The following PRDM16 variants were observed in gnomAD, a reference collection of about 807,000 sequenced individuals.
PRDM16 encodes the protein PR/SET domain 16.
Under a neutral mutation model 110.6 loss-of-function variants are expected in PRDM16, and 23 were observed. The ratio of observed to expected loss-of-function variants is 0.21; its 90% CI spans 0.15 to 0.29. The LOEUF is 0.29. Ranked by LOEUF, PRDM16 falls within the 10% of genes least tolerant of loss-of-function variation. The probability of loss-of-function intolerance (pLI) is 1.00; values close to 1 mark genes in which losing one functional copy is unlikely to be tolerated. For synonymous variants in PRDM16, 799 were observed against 781.8 expected, an observed-to-expected ratio of 1.02 and a Z score of -0.37; for missense variants, 1,615 against 1,794.3, an observed-to-expected ratio of 0.90 and a Z score of 1.81.
rs776055411 is a variant in PRDM16 at position 3,412,625 on chromosome 1, C to T, written c.2428C>T (p.Arg810Trp). 6.3e-6 allele frequency: 10 copies of T among 1,582,558 alleles called. No individual in the cohort carries two copies. The highest frequency in any genetic ancestry group is 2.2e-5 in the South Asian group (2 of 89,194). The change falls in exon 9 of 17, where the codon CGG becomes TGG. Residue 810 changes from arginine to tryptophan, a missense_variant. Transcript: ENST00000270722. ...GCCGCTGGACCTGAGCATCGGCAGC[C>T]GGGCCCGTGCCAGCCAAAACGGCGG... ...EQPLDLSIGS[R>W]ARASQNGGGR...
rs554750568 is a variant in PRDM16 at position 3,213,517 on chromosome 1, C to T, written c.387+27043C>T. 3.3e-5 allele frequency among the ~76,000 whole-genome samples: 5 copies of T among 152,286 alleles called. No homozygotes were observed. The East Asian group carries it at 9.7e-4, about 29-fold the overall frequency. ...GTGCCCCCCTGGGTTTGGTTGTGCC[C>T]GTGGGGGGTTGCTAGAGAGTCCTTT... is the stretch of plus-strand genomic sequence containing the variant. On this transcript the variant is annotated intron_variant, in intron 2 of 16. Coordinates refer to ENST00000270722, the MANE Select transcript of PRDM16 (RefSeq NM_022114.4). The surrounding 1 kb of genome is among the most constrained non-coding windows in gnomAD (Gnocchi z 5.3).
At chr1:3,319,356 C>T (rs1641687088) in intron 3 of PRDM16, among the ~76,000 whole-genome samples, 1 of 152,242 alleles carries the variant, frequency 6.6e-6, no homozygotes, top group Admixed American at 6.5e-5. Context: ...CTGTTTTATT[C>T]TGACGTCCTT....
At chr1:3,328,195 C>T (rs1163136363) in intron 3 of PRDM16, among the ~76,000 whole-genome samples, 1 of 152,254 alleles carries the variant, frequency 6.6e-6, no homozygotes, top group Non-Finnish European at 1.5e-5. Context: ...CACCACAGCC[C>T]TGTCCACACC....
intron 1 of PRDM16, among the ~76,000 whole-genome samples, chr1:3,182,630 A>G (rs950200): frequency 0.5 from 76,540 of 152,066 alleles, 20,356 homozygotes; most frequent in Non-Finnish European, 0.59. Flanking sequence ...CCCAGGGGCA[A>G]TGCGAGGGGC....
intron 1 of PRDM16, among the ~76,000 whole-genome samples, chr1:3,088,448 ATTATTTATTTATTTAT>A: frequency 6.8e-6 from 1 of 146,114 alleles, no homozygotes; most frequent in Admixed American, 6.8e-5. Flanking sequence ...GGATTCTTTT[ATTATTTATTTATTTAT>A]TTATTTATTT....
At chr1:3,131,560 T>G (rs1441558663) in intron 1 of PRDM16, among the ~76,000 whole-genome samples, 1 of 152,258 alleles carries the variant, frequency 6.6e-6, no homozygotes, top group Non-Finnish European at 1.5e-5. Context: ...AAAACTCTTA[T>G]ACTTCTTTAT....
At chr1:3,384,678 G>A (rs1463211207) in intron 3 of PRDM16, among the ~76,000 whole-genome samples, 1 of 152,232 alleles carries the variant, frequency 6.6e-6, no homozygotes, top group Non-Finnish European at 1.5e-5. Context: ...TGCTCTCAGA[G>A]TGATGTGCAG....
At chr1:3,181,900 G>GGTCTTACACACGCAGTCTTACACACGCA (rs1354928308) in intron 1 of PRDM16, among the ~76,000 whole-genome samples, 1 of 89,508 alleles carries the variant, frequency 1.1e-5, no homozygotes, top group Non-Finnish European at 2.6e-5. Flanking sequence ...TCTTACACAC[G>GGTCTTACACACGCAGTCTTACACACGCA]GTCTTACACA....
intron 1 of PRDM16, among the ~76,000 whole-genome samples, chr1:3,173,420 G>A (rs988109639): frequency 6.6e-6 from 1 of 152,258 alleles, no homozygotes; most frequent in East Asian, 1.9e-4. Context: ...CCGGAGCATT[G>A]CACGGATAAA....
chr1:3,197,187 A>T lies in PRDM16; in HGVS notation c.387+10713A>T, dbSNP rs571135974. Among the ~76,000 whole-genome samples the T allele has an allele frequency of 1.1e-4, 17 of 152,244 alleles. No homozygotes were observed. The South Asian group carries it at 3.3e-3, about 30-fold the overall frequency. On this transcript the variant is annotated intron_variant, in intron 2 of 16. Coordinates refer to ENST00000270722, the MANE Select transcript of PRDM16 (RefSeq NM_022114.4). ...ATCTCCTCCCCCTCCCAGTGCAGTT[A>T]TGAACTGGGCCCCAGGGAGGGAAAG...
At chr1:3,357,687 G>A (rs1026000377) in intron 3 of PRDM16, among the ~76,000 whole-genome samples, 1 of 152,210 alleles carries the variant, frequency 6.6e-6, no homozygotes, top group African/African-American at 2.4e-5. Context: ...GGCCGCGAGC[G>A]CCTCTGCCTC....
At chr1:3,427,794 T>G (rs1638653502) in intron 14 of PRDM16, among the ~76,000 whole-genome samples, 1 of 152,026 alleles carries the variant, frequency 6.6e-6, no homozygotes. Context: ...AAGCCTCACC[T>G]CCACCCCAGT....
intron 1 of PRDM16, among the ~76,000 whole-genome samples, chr1:3,091,623 C>T (rs1014256551): frequency 2.2e-4 from 34 of 152,232 alleles, no homozygotes; most frequent in African/African-American, 8.0e-4. Flanking sequence ...TGCCCAGGCA[C>T]CTCTGCTGGG....
Position 3,238,710 on chromosome 1 carries a change from C to T in PRDM16, c.388-5377C>T, listed in dbSNP as rs183084353. Reference sequence around the variant, plus strand: ...CCCACACGGCCGGAGGGAGCTTGGCCGTGGAGAGAGTCCTGGCCGGGGTTC... The same window carrying T: ...CCCACACGGCCGGAGGGAGCTTGGCTGTGGAGAGAGTCCTGGCCGGGGTTC... On this transcript the variant is annotated intron_variant, in intron 2 of 16. Coordinates refer to ENST00000270722, the MANE Select transcript of PRDM16 (RefSeq NM_022114.4). Among the ~76,000 whole-genome samples, 31 of 152,296 alleles carry T rather than the reference C, an allele frequency of 2.0e-4. No homozygotes were observed. In the East Asian group the frequency reaches 4.1e-3, roughly 20 times the overall value.
intron 1 of PRDM16, among the ~76,000 whole-genome samples, chr1:3,109,104 T>C (rs558885482): frequency 6.6e-6 from 1 of 151,120 alleles, no homozygotes; most frequent in Admixed American, 6.6e-5. Flanking sequence ...ATAATAATAA[T>C]AATAATAATA....
At chr1:3,405,012 C>T (rs542107677) in intron 7 of PRDM16, 126 bp downstream of exon 7, 2 of 1,044,026 alleles carry the variant, frequency 1.9e-6, no homozygotes, top group Non-Finnish European at 2.7e-6. Context: ...GGGTAGGAGG[C>T]CCCTGCGGTG....
intron 9 of PRDM16, 60 bp downstream of exon 9, chr1:3,412,860 G>A (rs1015611051): frequency 1.4e-5 from 19 of 1,332,636 alleles, no homozygotes; most frequent in East Asian, 2.7e-5. Context: ...GGTGCTGGGC[G>A]GGCTCAGTGC....
At chr1:3,313,420 G>T (rs181714079) in intron 3 of PRDM16, among the ~76,000 whole-genome samples, 2 of 152,342 alleles carry the variant, frequency 1.3e-5, no homozygotes, top group Non-Finnish European at 2.9e-5. Flanking sequence ...GAGCAGCTTG[G>T]CAGGGTGGGA....
chr1:3,283,163 C>T (rs12563770), intron 3 of PRDM16, among the ~76,000 whole-genome samples: 3,723 of 152,196 alleles, frequency 0.024, 258 homozygotes, highest in East Asian at 0.24. Flanking sequence ...TGGGAACTGG[C>T]CAGCCAGCCC....
Sources: allele counts gnomAD v4.1 joint callset (sites outside exome capture counted in the v4.1 genomes callset), GRCh38; gene constraint gnomAD v4.1.1; non-coding constraint Gnocchi (gnomAD v3.1); transcripts MANE v1.5; gene names NCBI Gene and HGNC (gene_info 2026-07-23, HGNC 2026-07-21).